The following FBXL5 variants were observed in gnomAD, a reference collection of about 807,000 sequenced individuals.
FBXL5 encodes the protein F-box and leucine rich repeat protein 5.
FBXL5 carries 26 observed loss-of-function variants against 78.3 expected under a neutral mutation model. The observed-to-expected ratio is 0.33, with a 90% CI of 0.24 to 0.46. The LOEUF (loss-of-function observed/expected upper bound fraction) is 0.46. Ranked by LOEUF, FBXL5 falls within the 20% of genes least tolerant of loss-of-function variation. The pLI is 1.00. For synonymous variants in FBXL5, 295 were observed against 282.5 expected, an observed-to-expected ratio of 1.04 and a Z score of -0.45; for missense variants, 710 against 829.2, an observed-to-expected ratio of 0.86 and a Z score of 1.77.
chr4:15,607,165 G>T (rs1432561920), intron 10 of FBXL5, among the ~76,000 whole-genome samples: 1 of 152,150 alleles, frequency 6.6e-6, no homozygotes, highest in African/African-American at 2.4e-5. Flanking sequence ...TTAGCTTAAT[G>T]GCGGAGTAGA....
At chr4:15,617,581 T>C (rs1394750932) in intron 9 of FBXL5, among the ~76,000 whole-genome samples, 1 of 148,188 alleles carries the variant, frequency 6.7e-6, no homozygotes, top group Non-Finnish European at 1.5e-5. Context: ...ACGTGGTACA[T>C]ATACACCATG....
chr4:15,639,871 A>G (rs951472728), intron 3 of FBXL5, among the ~76,000 whole-genome samples: 15 of 152,250 alleles, frequency 9.9e-5, no homozygotes, highest in African/African-American at 3.6e-4. Flanking sequence ...GAGAATCACT[A>G]CAATAACTGA....
chr4:15,674,162 T>G (rs527279907), intron 1 of FBXL5, among the ~76,000 whole-genome samples: 1 of 151,662 alleles, frequency 6.6e-6, no homozygotes, highest in Non-Finnish European at 1.5e-5. Flanking sequence ...CTTACTTCTC[T>G]GGAAATACTA....
chr4:15,670,794 T>A (rs76784066), intron 1 of FBXL5, among the ~76,000 whole-genome samples: 1,843 of 152,220 alleles, frequency 0.012, 29 homozygotes, highest in South Asian at 0.038. Flanking sequence ...TATTTCTACC[T>A]GCCTGACTTA....
chr4:15,630,110 G>T (rs1713465933), intron 6 of FBXL5, among the ~76,000 whole-genome samples: 1 of 152,150 alleles, frequency 6.6e-6, no homozygotes, highest in Non-Finnish European at 1.5e-5. Context: ...GTTGTTTGGA[G>T]TAGCGATGAA....
rs183143561 is a variant in FBXL5 at position 15,640,178 on chromosome 4, T to C, written c.396+610A>G. Reference sequence around the variant, plus strand: ...ACCTCAAGCTCCCAAGTAGCTGAGATGACAGGCACATGCCACCATGCCCAG... The same window carrying C: ...ACCTCAAGCTCCCAAGTAGCTGAGACGACAGGCACATGCCACCATGCCCAG... On this transcript the variant is annotated intron_variant, in intron 3 of 10. Transcript: ENST00000341285. Among the ~76,000 whole-genome samples the C allele has an allele frequency of 1.5e-3, 231 of 152,194 alleles. 2 individuals are homozygous for C. The highest frequency in any genetic ancestry group is 1.8e-3 in the Non-Finnish European group (125 of 67,996).
chr4:15,635,360 A>G (rs1227295998), intron 5 of FBXL5, among the ~76,000 whole-genome samples: 1 of 152,058 alleles, frequency 6.6e-6, no homozygotes, highest in Non-Finnish European at 1.5e-5. Context: ...ATACATTATT[A>G]TAATGAATAA....
chr4:15,605,814 A>T lies in FBXL5; in HGVS notation c.2000-15T>A. ...AGCATGAGGACCTGTATGAAAACAG[A>T]AAAATGTGAAAGGAGGAATTTCTTA... On this transcript the variant is annotated splice_polypyrimidine_tract_variant and intron_variant, in intron 10 of 10. Transcript: ENST00000341285. The T allele has an allele frequency of 6.3e-7, 1 of 1,593,294 alleles. No individual in the cohort carries two copies. The highest frequency in any genetic ancestry group is 8.5e-7 in the Non-Finnish European group (1 of 1,170,724).
Position 15,626,948 on chromosome 4 carries a change from T to C in FBXL5, c.1049A>G (p.Gln350Arg), listed in dbSNP as rs774304621. 2 of 1,608,602 alleles carry C rather than the reference T, an allele frequency of 1.2e-6. No homozygotes were observed. Among genetic ancestry groups the C allele is most frequent in the Admixed American group, 3.4e-5 (2 of 59,526 alleles). Residue 350 changes from glutamine to arginine, a missense_variant, in exon 8 of 11, where the codon CAG becomes CGG. Physicochemically the swap from Gln to Arg is conservative, Grantham distance 43. Coordinates refer to ENST00000341285, the MANE Select transcript of FBXL5 (RefSeq NM_012161.4). ...CAGGTTAGGACAAAGCTCTAAAATC[T>C]GCCTAACCTAAAAGGCAAGAAATTG... ...SSAVSSKMVR[Q>R]ILELCPNLEH... is the part of the protein sequence containing the mutation.
intron 9 of FBXL5, among the ~76,000 whole-genome samples, chr4:15,617,881 G>A (rs1277396412): frequency 6.6e-6 from 1 of 152,150 alleles, no homozygotes; most frequent in African/African-American, 2.4e-5. Context: ...CGTGAGTGAT[G>A]GGATGCTCTG....
intron 6 of FBXL5, 64 bp downstream of exon 6, chr4:15,630,599 AATT>A: frequency 7.3e-7 from 1 of 1,375,510 alleles, no homozygotes. Flanking sequence ...AATACCTAAT[AATT>A]ATAAGTACTT....
chr4:15,645,033 A>C (rs543918952), intron 1 of FBXL5, among the ~76,000 whole-genome samples: 26 of 152,308 alleles, frequency 1.7e-4, no homozygotes, highest in Non-Finnish European at 3.5e-4. Flanking sequence ...ATGTATGCTA[A>C]ATACAGGCAG....
At chr4:15,634,347 TCTGA>T (rs1266910298) in intron 5 of FBXL5, among the ~76,000 whole-genome samples, 9 of 145,586 alleles carry the variant, frequency 6.2e-5, no homozygotes, top group South Asian at 4.4e-4. Context: ...TGCCACCATG[TCTGA>T]CTAATTTTTT....
At chr4:15,678,025 T>C (rs1403992521) in intron 1 of FBXL5, among the ~76,000 whole-genome samples, 2 of 152,318 alleles carry the variant, frequency 1.3e-5, no homozygotes, top group Admixed American at 6.5e-5. Flanking sequence ...GGAATTGCTA[T>C]TGGAATGATG....
At chr4:15,622,591 G>A (rs1300601786) in intron 9 of FBXL5, among the ~76,000 whole-genome samples, 5 of 152,072 alleles carry the variant, frequency 3.3e-5, no homozygotes, top group Admixed American at 3.3e-4. Flanking sequence ...AGAACATTCA[G>A]TCTGATACTA....
intron 2 of FBXL5, 65 bp downstream of exon 2, chr4:15,644,428 T>C (rs777172462): frequency 4.7e-6 from 6 of 1,288,466 alleles, no homozygotes; most frequent in Non-Finnish European, 6.6e-6. Flanking sequence ...GTGACAAGTT[T>C]TGCCAATGAT....
At chr4:15,658,566 G>C (rs922557835), upstream of FBXL5, among the ~76,000 whole-genome samples, 1 of 151,766 alleles carries the variant, frequency 6.6e-6, no homozygotes, top group Non-Finnish European at 1.5e-5. Context: ...CCAGCATGCT[G>C]AGTCCCTCGC....
intron 5 of FBXL5, among the ~76,000 whole-genome samples, chr4:15,631,164 G>C (rs932866162): frequency 6.6e-6 from 1 of 152,088 alleles, no homozygotes; most frequent in African/African-American, 2.4e-5. Context: ...GAGAACATGC[G>C]GTATTTGGTT....
At chr4:15,654,325 C>T (rs545794705) in intron 1 of FBXL5, among the ~76,000 whole-genome samples, 1 of 152,328 alleles carries the variant, frequency 6.6e-6, no homozygotes, top group East Asian at 1.9e-4. Context: ...CCAACATAAA[C>T]TGACAAATAC....
Sources: gnomAD v4.1 joint callset for allele counts (sites outside exome capture counted in the v4.1 genomes callset) on GRCh38, gnomAD v4.1.1 for gene constraint, MANE v1.5 for transcripts, NCBI Gene and HGNC (gene_info 2026-07-23, HGNC 2026-07-21) for gene names.